MYO5A: variants seen among roughly 807,000 people sequenced by gnomAD.
MYO5A encodes unconventional myosin-Va.
Under a neutral mutation model 249.7 loss-of-function variants are expected in MYO5A, and 98 were observed. That is an observed-to-expected ratio of 0.39 (90% confidence interval 0.33 to 0.46). The LOEUF (loss-of-function observed/expected upper bound fraction) is 0.46. Ranked by LOEUF, MYO5A falls within the 20% of genes least tolerant of loss-of-function variation. The probability of loss-of-function intolerance (pLI) is 0.98; values close to 1 mark genes in which losing one functional copy is unlikely to be tolerated. For synonymous variants in MYO5A, 778 were observed against 810.6 expected (o/e 0.96, Z 0.68); for missense variants, 1,696 against 2,308.8 (o/e 0.73, Z 5.44).
Position 52,435,421 on chromosome 15 carries a change from C to T in MYO5A, c.28-2136G>A, listed in dbSNP as rs186168456. Among the ~76,000 whole-genome samples the T allele has an allele frequency of 3.9e-5, 6 of 152,052 alleles. No individual in the cohort carries two copies. In the East Asian group the frequency reaches 1.2e-3, roughly 30 times the overall value. On this transcript the variant is annotated intron_variant, in intron 1 of 41. Coordinates refer to ENST00000399233, the MANE Select transcript of MYO5A (RefSeq NM_001382347.1). ...CCTCCCGAGCAGCTGGGACTATAGG[C>T]ACATGCCACCACACCCAGCTAATTT...
At chr15:52,378,887 C>A (rs1251655227) in intron 18 of MYO5A, among the ~76,000 whole-genome samples, 1 of 152,124 alleles carries the variant, frequency 6.6e-6, no homozygotes, top group Admixed American at 6.6e-5. Context: ...TGGCGGGGCC[C>A]AGCAATCTGT....
intron 32 of MYO5A, among the ~76,000 whole-genome samples, chr15:52,339,927 T>C (rs1207981726): frequency 6.6e-6 from 1 of 152,080 alleles, no homozygotes; most frequent in Admixed American, 6.5e-5. Context: ...TCACCTGCCA[T>C]CAAAAGCCCA....
chr15:52,330,677 A>C (rs1284665607), intron 34 of MYO5A, among the ~76,000 whole-genome samples, 178 bp from the exon 35 acceptor site: 1 of 152,192 alleles, frequency 6.6e-6, no homozygotes, highest in African/African-American at 2.4e-5. Context: ...CAGATGGCAA[A>C]ATTATATGGT....
At position 52,460,384 on chromosome 15, in the gene MYO5A, T is replaced by C. The variant is rs554904752; in HGVS notation, c.28-27099A>G. On this transcript the variant is annotated intron_variant, in intron 1 of 41. Transcript: ENST00000399233. ...TGAGCACTGAGTGAGCGAGACTCCG[T>C]CTACAATCCCGGCACCTCGGGAGGC... 4.5e-4 allele frequency among the ~76,000 whole-genome samples: 69 copies of C among 152,174 alleles called. 1 individual carries two copies. The highest frequency in any genetic ancestry group is 8.5e-4 in the Admixed American group (13 of 15,276).
chr15:52,473,739 C>T (rs1479494769), intron 1 of MYO5A, among the ~76,000 whole-genome samples: 2 of 152,090 alleles, frequency 1.3e-5, no homozygotes, highest in African/African-American at 4.8e-5. Flanking sequence ...CTATTCTGTT[C>T]CATTGGTCTA....
At chr15:52,345,355 G>T (rs1413267097) in intron 30 of MYO5A, among the ~76,000 whole-genome samples, 1 of 152,140 alleles carries the variant, frequency 6.6e-6, no homozygotes, top group Non-Finnish European at 1.5e-5. Flanking sequence ...GCCGAAGCGG[G>T]TGGATCACCT....
chr15:52,441,714 T>A (rs2075789372), intron 1 of MYO5A, among the ~76,000 whole-genome samples: 1 of 152,212 alleles, frequency 6.6e-6, no homozygotes, highest in African/African-American at 2.4e-5. Context: ...CATTTGGCTC[T>A]CCATTCTCAA....
At chr15:52,358,009 G>A (rs906872261) in intron 25 of MYO5A, among the ~76,000 whole-genome samples, 1 of 152,184 alleles carries the variant, frequency 6.6e-6, no homozygotes, top group African/African-American at 2.4e-5. Context: ...CTTCCCAGAG[G>A]TGAAAGGTGT....
At chr15:52,455,772 T>TAA (rs35470827) in intron 1 of MYO5A, among the ~76,000 whole-genome samples, 1 of 146,596 alleles carries the variant, frequency 6.8e-6, no homozygotes. Context: ...CCCTTCATGA[T>TAA]AAAAAAAAAA....
At chr15:52,328,833 T>G (rs2038736019) in intron 35 of MYO5A, among the ~76,000 whole-genome samples, 2 of 152,204 alleles carry the variant, frequency 1.3e-5, no homozygotes, top group South Asian at 4.1e-4. Context: ...TGGTTAAACA[T>G]GCCAGGTATG....
chr15:52,429,125 C>T (rs1177154608), intron 2 of MYO5A, among the ~76,000 whole-genome samples: 1 of 152,026 alleles, frequency 6.6e-6, no homozygotes, highest in African/African-American at 2.4e-5. Flanking sequence ...CCCAAGAATC[C>T]CCTGAAATTA....
At chr15:52,343,642 C>T (rs1010071999) in intron 30 of MYO5A, among the ~76,000 whole-genome samples, 11 of 152,112 alleles carry the variant, frequency 7.2e-5, no homozygotes, top group African/African-American at 1.9e-4. Flanking sequence ...TAGGTAGGAA[C>T]GTTTTTAGCT....
At chr15:52,456,068 A>T (rs1003086889) in intron 1 of MYO5A, among the ~76,000 whole-genome samples, 7 of 152,126 alleles carry the variant, frequency 4.6e-5, no homozygotes, top group Non-Finnish European at 1.0e-4. Flanking sequence ...AACCCTAAAA[A>T]CGCCACCAAA....
intron 34 of MYO5A, among the ~76,000 whole-genome samples, chr15:52,332,361 C>T (rs967457932): frequency 6.6e-6 from 1 of 152,156 alleles, no homozygotes; most frequent in Non-Finnish European, 1.5e-5. Context: ...TTGTAAGATA[C>T]ACCCCAATTT....
intron 1 of MYO5A, among the ~76,000 whole-genome samples, chr15:52,438,992 A>G (rs2075727748): frequency 1.3e-5 from 2 of 152,226 alleles, no homozygotes; most frequent in Admixed American, 6.5e-5. Context: ...CAGGCTTGCC[A>G]TCGTTCCTGC....
At chr15:52,395,741 C>G (rs1470160236) in intron 11 of MYO5A, among the ~76,000 whole-genome samples, 1 of 152,160 alleles carries the variant, frequency 6.6e-6, no homozygotes, top group Non-Finnish European at 1.5e-5. Flanking sequence ...CCTCTGGGCT[C>G]TGTGTCCTTC....
chr15:52,463,187 A>C (rs906133981), intron 1 of MYO5A, among the ~76,000 whole-genome samples: 1 of 152,256 alleles, frequency 6.6e-6, no homozygotes, highest in African/African-American at 2.4e-5. Flanking sequence ...CAGCATAAGC[A>C]AACAAAGACT....
Position 52,309,784 on chromosome 15 carries a change from T to G in MYO5A, c.*3912A>C, listed in dbSNP as rs1596254214. 6.6e-6 allele frequency: 1 copy of G among 152,184 alleles called. No individual in the cohort carries two copies. Among genetic ancestry groups the G allele is most frequent in the Non-Finnish European group, 1.5e-5 (1 of 68,054 alleles). The allele number at this position is 152,184 out of a possible 1,614,324, so 9.4% of individuals were successfully genotyped here. A position where few individuals can be genotyped will look rare whatever the true frequency, so the allele number is the denominator to read the frequency against. On this transcript the variant is annotated 3_prime_UTR_variant, in exon 42 of 42. Transcript: ENST00000399233. Reference sequence around the variant, plus strand: ...TGTTTTATCACTAAGCAGCTGACATTACCCAGAGGATCCTTGACTATGCCT... The same window carrying G: ...TGTTTTATCACTAAGCAGCTGACATGACCCAGAGGATCCTTGACTATGCCT...
intron 18 of MYO5A, among the ~76,000 whole-genome samples, chr15:52,376,855 G>A (rs2041439833): frequency 6.6e-6 from 1 of 152,154 alleles, no homozygotes; most frequent in Admixed American, 6.5e-5. Context: ...GCTTGTTTGT[G>A]TTTTAAACAT....
Sources: allele counts gnomAD v4.1 joint callset (sites outside exome capture counted in the v4.1 genomes callset), GRCh38; gene constraint gnomAD v4.1.1; transcripts MANE v1.5; gene names NCBI Gene and HGNC (gene_info 2026-07-23, HGNC 2026-07-21).